SPATA22: variants seen among roughly 807,000 people sequenced by gnomAD.
SPATA22 encodes the protein spermatogenesis-associated protein 22.
A neutral mutation model predicts 47.8 loss-of-function variants in SPATA22; 29 were observed. The ratio of observed to expected loss-of-function variants is 0.61; its 90% confidence interval spans 0.45 to 0.83. The LOEUF (loss-of-function observed/expected upper bound fraction) is 0.83. Ranked by LOEUF, SPATA22 falls within the 40% of genes least tolerant of loss-of-function variation. The pLI is 0.00. For missense variants in SPATA22, 410 were observed against 421.7 expected (o/e 0.97, Z 0.24); for synonymous variants, 133 against 140.9 (o/e 0.94, Z 0.40).
At chr17:3,464,677 G>C (rs1182392756) in intron 3 of SPATA22, among the ~76,000 whole-genome samples, 2 of 143,774 alleles carry the variant, frequency 1.4e-5, no homozygotes, top group African/African-American at 2.6e-5. Context: ...CCGCGACCCC[G>C]TCTGGGAGGT....
intron 1 of SPATA22, among the ~76,000 whole-genome samples, chr17:3,495,607 C>T (rs897683809): frequency 7.2e-5 from 11 of 152,066 alleles, no homozygotes; most frequent in Admixed American, 1.3e-4. Flanking sequence ...CTCGCTCTGT[C>T]GCCCAGGCTG....
intron 3 of SPATA22, among the ~76,000 whole-genome samples, chr17:3,463,751 C>T (rs1449815454): frequency 2.0e-5 from 3 of 152,170 alleles, no homozygotes; most frequent in Non-Finnish European, 4.4e-5. Flanking sequence ...TGTAATGGCA[C>T]CACCATCACA....
At chr17:3,478,933 G>A (rs2073580291) in intron 1 of SPATA22, among the ~76,000 whole-genome samples, 1 of 151,998 alleles carries the variant, frequency 6.6e-6, no homozygotes, top group East Asian at 1.9e-4. Flanking sequence ...CACAAATCCA[G>A]CCTTCCTCTC....
chr17:3,462,397 A>G lies in SPATA22; in HGVS notation c.329+86T>C, dbSNP rs1027830725. 3.4e-6 allele frequency: 3 copies of G among 892,140 alleles called. No homozygotes were observed. In the African/African-American group the frequency reaches 5.0e-5, roughly 15 times the overall value. 55.3% of individuals were successfully genotyped at this position (892,140 alleles called of 1,614,324 possible). A position where few individuals can be genotyped will look rare whatever the true frequency, so the allele number is the denominator to read the frequency against. On this transcript the variant is annotated intron_variant, in intron 5 of 8. Transcript: ENST00000572969. Reference sequence around the variant, plus strand: ...TAAATGTAATTCTGTCTGAGAAACAACGAAGTGAAGGAGGAGGGAAGAATG... The same window carrying G: ...TAAATGTAATTCTGTCTGAGAAACAGCGAAGTGAAGGAGGAGGGAAGAATG...
intron 7 of SPATA22, 128 bp from the exon 8 acceptor site, chr17:3,443,399 A>AG: frequency 1.8e-6 from 1 of 568,376 alleles, no homozygotes; most frequent in Non-Finnish European, 2.9e-6. Context: ...ATAGCAATAA[A>AG]GAAGACATTT....
chr17:3,495,761 G>T (rs1236294583), intron 1 of SPATA22, among the ~76,000 whole-genome samples: 2 of 152,060 alleles, frequency 1.3e-5, no homozygotes, highest in Non-Finnish European at 2.9e-5. Context: ...TGGAGATGGG[G>T]TTTCACCATG....
At chr17:3,484,175 C>T (rs905806222) in intron 1 of SPATA22, among the ~76,000 whole-genome samples, 7 of 152,126 alleles carry the variant, frequency 4.6e-5, no homozygotes, top group African/African-American at 1.7e-4. Flanking sequence ...AGATTCAGTT[C>T]ACCTGTCACC....
chr17:3,510,598 T>C (rs376975524), intron 1 of SPATA22: 1 of 152,234 alleles, frequency 6.6e-6, no homozygotes. Context: ...TTCTTGAACA[T>C]AGAGTTTCGC....
At chr17:3,470,841 A>G (rs1006426728) in intron 1 of SPATA22, among the ~76,000 whole-genome samples, 14 of 151,758 alleles carry the variant, frequency 9.2e-5, no homozygotes, top group African/African-American at 3.4e-4. Context: ...AGCTGGGTAG[A>G]AGAGATGGAC....
intron 5 of SPATA22, among the ~76,000 whole-genome samples, chr17:3,458,874 A>AAAAAAAAAAAAAAAAAAAAAAAAAG (rs2073059103): frequency 6.6e-6 from 1 of 151,120 alleles, no homozygotes; most frequent in Non-Finnish European, 1.5e-5. Flanking sequence ...AAAAAAAAAA[A>AAAAAAAAAAAAAAAAAAAAAAAAAG]AAAAAATTCC....
At chr17:3,462,967 G>A (rs1349105416) in intron 3 of SPATA22, among the ~76,000 whole-genome samples, 200 bp from the exon 4 acceptor site, 3 of 152,136 alleles carry the variant, frequency 2.0e-5, no homozygotes, top group Non-Finnish European at 4.4e-5. Flanking sequence ...CTTATCCATT[G>A]TATTTTAAGC....
In SPATA22 at chr17:3,465,061, G is replaced by GTGTGCCCAACAGCTCATT. The variant is rs1567602778; in HGVS notation, c.173-2295_173-2294insAATGAGCTGTTGGGCACA. Among the ~76,000 whole-genome samples, 464 of 124,640 alleles carry GTGTGCCCAACAGCTCATT rather than the reference G, an allele frequency of 3.7e-3. 13 individuals carry two copies. The highest frequency in any genetic ancestry group is 4.1e-3 in the Non-Finnish European group (228 of 55,236). The allele number at this position is 124,640 out of a possible 152,430, so 81.8% of individuals were successfully genotyped here. On this transcript the variant is annotated intron_variant, in intron 3 of 8. Transcript: ENST00000572969. Reference sequence around the variant, plus strand: ...CCCGGCCAGCCGCCCCGTCCGGGAGGGAGGTGGGGGGTCAGCCCCTCCACC... The same window carrying GTGTGCCCAACAGCTCATT: ...CCCGGCCAGCCGCCCCGTCCGGGAGGTGTGCCCAACAGCTCATTGAGGTGGGGGGTCAGCCCCTCCACC...
intron 1 of SPATA22, among the ~76,000 whole-genome samples, chr17:3,477,825 G>C (rs2073553534): frequency 6.6e-6 from 1 of 152,094 alleles, no homozygotes; most frequent in Non-Finnish European, 1.5e-5. Flanking sequence ...GGTACTGGGG[G>C]AGTACACAGC....
intron 8 of SPATA22, chr17:3,440,559 G>A (rs1268905808): frequency 1.4e-5 from 5 of 345,872 alleles, no homozygotes; most frequent in African/African-American, 1.1e-4. Context: ...TTACAAGCTA[G>A]CAAGTTGTTG....
intron 1 of SPATA22, chr17:3,503,433 C>T (rs1271045330): frequency 6.6e-6 from 1 of 152,142 alleles, no homozygotes; most frequent in Non-Finnish European, 1.5e-5. Flanking sequence ...GATTTATCAG[C>T]TTTTGTACAT....
intron 1 of SPATA22, among the ~76,000 whole-genome samples, chr17:3,504,036 C>T (rs932996485): frequency 4.6e-5 from 7 of 152,086 alleles, no homozygotes; most frequent in East Asian, 1.9e-4. Flanking sequence ...GTGTCCTTCC[C>T]ACTGTTTATT....
intron 1 of SPATA22, chr17:3,511,448 CA>C (rs1165999283): frequency 2.6e-5 from 4 of 152,236 alleles, no homozygotes; most frequent in Non-Finnish European, 4.4e-5. Flanking sequence ...TGACTTTGCC[CA>C]AGTACACATT....
At chr17:3,458,593 A>C (rs2073047837) in intron 5 of SPATA22, among the ~76,000 whole-genome samples, 1 of 152,180 alleles carries the variant, frequency 6.6e-6, no homozygotes, top group Non-Finnish European at 1.5e-5. Context: ...CTGTGATCCC[A>C]GCACTTTGGG....
intron 1 of SPATA22, chr17:3,483,563 C>G (rs748886721): frequency 6.2e-7 from 1 of 1,614,010 alleles, no homozygotes; most frequent in South Asian, 1.1e-5. Context: ...AAATATGCGA[C>G]CACTCGTTCC....
Sources: gnomAD v4.1 joint callset for allele counts (sites outside exome capture counted in the v4.1 genomes callset) on GRCh38, gnomAD v4.1.1 for gene constraint, MANE v1.5 for transcripts, NCBI Gene and HGNC (gene_info 2026-07-23, HGNC 2026-07-21) for gene names.